The following MBD5 variants were observed in gnomAD, a reference collection of about 807,000 sequenced individuals.
The protein encoded by MBD5 is methyl-CpG-binding domain protein 5.
In MBD5, 13 loss-of-function variants were observed where a neutral mutation model predicts 117.3. The ratio of observed to expected loss-of-function variants is 0.11; its 90% CI spans 0.07 to 0.18. The LOEUF (loss-of-function observed/expected upper bound fraction) is 0.18, where lower values mean the gene tolerates loss of function less well. MBD5 is among the 10% of genes least tolerant of loss of function. MBD5 has a pLI of 1.00. For missense variants in MBD5, 1,879 were observed against 2,093.8 expected, an observed-to-expected ratio of 0.90 and a Z score of 2.00; for synonymous variants, 727 against 766.4, an observed-to-expected ratio of 0.95 and a Z score of 0.85.
intron 3 of MBD5, among the ~76,000 whole-genome samples, chr2:148,329,250 G>A (rs889583143): frequency 1.3e-5 from 2 of 152,164 alleles, no homozygotes; most frequent in Non-Finnish European, 2.9e-5. Flanking sequence ...TTGAGCTGAA[G>A]TTTACTTCTC....
At chr2:148,436,656 G>A (rs181517675) in intron 4 of MBD5, among the ~76,000 whole-genome samples, 72 of 152,280 alleles carry the variant, frequency 4.7e-4, no homozygotes, top group Non-Finnish European at 2.2e-4. Context: ...ACAGGCGTGA[G>A]CCACCACGCT....
intron 4 of MBD5, among the ~76,000 whole-genome samples, chr2:148,398,395 A>G (rs1397971374): frequency 1.3e-5 from 2 of 151,846 alleles, no homozygotes; most frequent in Non-Finnish European, 2.9e-5. Context: ...CATTTCTCTG[A>G]TGGCCAGTGA....
intron 3 of MBD5, among the ~76,000 whole-genome samples, chr2:148,235,517 TC>T (rs1453649978): frequency 6.6e-6 from 1 of 152,178 alleles, no homozygotes; most frequent in Non-Finnish European, 1.5e-5. Context: ...TCATTTATTT[TC>T]CACATTTTTA....
At chr2:148,168,796 C>T (rs1365076609) in intron 1 of MBD5, among the ~76,000 whole-genome samples, 2 of 151,844 alleles carry the variant, frequency 1.3e-5, no homozygotes, top group Non-Finnish European at 2.9e-5. Flanking sequence ...TCTAAGGACT[C>T]AGTGCAGCAA....
chr2:148,295,070 AG>A (rs1701617070), intron 3 of MBD5, among the ~76,000 whole-genome samples: 2 of 152,136 alleles, frequency 1.3e-5, no homozygotes, highest in Admixed American at 1.3e-4. Context: ...CTTCTTCAGT[AG>A]GTCAGTTAGT....
At chr2:148,152,945 A>T (rs1298383337) in intron 1 of MBD5, among the ~76,000 whole-genome samples, 1 of 151,408 alleles carries the variant, frequency 6.6e-6, no homozygotes, top group African/African-American at 2.4e-5. Context: ...TTACATTTAA[A>T]GTTAATATTG....
chr2:148,265,864 G>A (rs1184068332), intron 3 of MBD5, among the ~76,000 whole-genome samples: 1 of 152,020 alleles, frequency 6.6e-6, no homozygotes, highest in Non-Finnish European at 1.5e-5. Context: ...GCTTACTTTT[G>A]TGGAGTTTAC....
intron 3 of MBD5, among the ~76,000 whole-genome samples, chr2:148,242,822 C>G (rs1033558010): frequency 6.6e-6 from 1 of 152,150 alleles, no homozygotes; most frequent in South Asian, 2.1e-4. Context: ...GAGTAGTTAA[C>G]GTGTCTGTCC....
At chr2:148,374,731 G>A (rs545446698) in intron 4 of MBD5, among the ~76,000 whole-genome samples, 18 of 152,226 alleles carry the variant, frequency 1.2e-4, no homozygotes, top group Middle Eastern at 3.4e-3. Context: ...TCAGGCAGAC[G>A]TGCAAATTGG....
At chr2:148,195,642 T>C (rs142574545) in intron 2 of MBD5, among the ~76,000 whole-genome samples, 7 of 152,210 alleles carry the variant, frequency 4.6e-5, no homozygotes, top group Admixed American at 4.6e-4. Flanking sequence ...TGATAGAACA[T>C]ATGCTGGCCC....
At chr2:148,431,210 C>T (rs1705972799) in intron 4 of MBD5, among the ~76,000 whole-genome samples, 1 of 151,996 alleles carries the variant, frequency 6.6e-6, no homozygotes, top group African/African-American at 2.4e-5. Flanking sequence ...ACTTTTCTTT[C>T]AACTTATTTT....
rs551551595 is a variant in MBD5, at chr2:148,510,427, G to A, written c.5112+292G>A. On this transcript the variant is annotated intron_variant, in intron 13 of 13. Coordinates refer to ENST00000642680, the MANE Select transcript of MBD5 (RefSeq NM_001378120.1). ...GTTCAAACCACAGCTTTCTGCACTTGACTCTGTGAATGGCCATGGCCATTA... is the reference window on the plus strand; with the variant it reads ...GTTCAAACCACAGCTTTCTGCACTTAACTCTGTGAATGGCCATGGCCATTA... Among the ~76,000 whole-genome samples the A allele has an allele frequency of 5.9e-5, 9 of 152,312 alleles. No homozygotes were observed. The South Asian group carries it at 6.2e-4, about 11-fold the overall frequency.
At chr2:148,284,160 A>G (rs1181068318) in intron 3 of MBD5, among the ~76,000 whole-genome samples, 1 of 152,212 alleles carries the variant, frequency 6.6e-6, no homozygotes, top group Non-Finnish European at 1.5e-5. Flanking sequence ...ATCTCCACAC[A>G]TAGAGAGCTT....
intron 4 of MBD5, among the ~76,000 whole-genome samples, chr2:148,457,439 T>C (rs891285204): frequency 6.6e-6 from 1 of 152,176 alleles, no homozygotes; most frequent in Admixed American, 6.6e-5. Context: ...GATTGGATAC[T>C]AAATCTTCTA....
At position 148,515,196 on chromosome 2, in the gene MBD5, G is replaced by A. The variant is rs576975673; in HGVS notation, c.*2255G>A. 6.6e-6 allele frequency: 1 copy of A among 152,222 alleles called. No homozygotes were observed. Among genetic ancestry groups the A allele is most frequent in the African/African-American group, 2.4e-5 (1 of 41,536 alleles). The allele number at this position is 152,222 out of a possible 1,614,324, so 9.4% of individuals were successfully genotyped here. On this transcript the variant is annotated 3_prime_UTR_variant, in exon 14 of 14. Transcript: ENST00000642680. ...GTGTGTCTGTATGTGTGTATGTGTT[G>A]ATATGTAAATTTTTTAGCCTTTGCT...
chr2:148,033,569 C>G, intron 1 of MBD5, among the ~76,000 whole-genome samples: 1 of 151,630 alleles, frequency 6.6e-6, no homozygotes, highest in Non-Finnish European at 1.5e-5. Context: ...AAGGAATGCC[C>G]AAAATATTAA....
chr2:148,129,541 A>G (rs1371240673), intron 1 of MBD5, among the ~76,000 whole-genome samples: 1 of 152,152 alleles, frequency 6.6e-6, no homozygotes, highest in African/African-American at 2.4e-5. Flanking sequence ...GATATACTCT[A>G]TCTCTAAAAA....
intron 1 of MBD5, among the ~76,000 whole-genome samples, chr2:148,172,130 C>T (rs1372330168): frequency 6.6e-6 from 1 of 152,174 alleles, no homozygotes; most frequent in Non-Finnish European, 1.5e-5. Flanking sequence ...GCAAAGAATC[C>T]AGCTGCAGGG....
At chr2:148,345,227 C>CAT (rs1553503438) in intron 4 of MBD5, among the ~76,000 whole-genome samples, 1 of 150,096 alleles carries the variant, frequency 6.7e-6, no homozygotes, top group African/African-American at 2.4e-5. Context: ...TACACACACA[C>CAT]ATATATATAC....
Sources: gnomAD v4.1 joint callset for allele counts (sites outside exome capture counted in the v4.1 genomes callset) on GRCh38, gnomAD v4.1.1 for gene constraint, MANE v1.5 for transcripts, NCBI Gene and HGNC (gene_info 2026-07-23, HGNC 2026-07-21) for gene names.